RBFOX1: variants seen among roughly 807,000 people sequenced by gnomAD.
RBFOX1 encodes the protein RNA binding fox-1 homolog 1.
RBFOX1 carries 8 observed loss-of-function variants against 57.7 expected under a neutral mutation model. The observed-to-expected ratio is 0.14, with a 90% CI of 0.08 to 0.25. RBFOX1 has a LOEUF of 0.25. Ranked by LOEUF, RBFOX1 falls within the 10% of genes least tolerant of loss-of-function variation. The probability of loss-of-function intolerance (pLI) is 1.00; values close to 1 mark genes in which losing one functional copy is unlikely to be tolerated. For missense variants in RBFOX1, 611 were observed against 548.5 expected (o/e 1.11, Z -1.14); for synonymous variants, 326 against 222.4 (o/e 1.47, Z -4.15).
chr16:6,779,652 C>A (rs1035668019), intron 3 of RBFOX1, among the ~76,000 whole-genome samples: 2 of 141,684 alleles, frequency 1.4e-5, no homozygotes, highest in South Asian at 4.3e-4. Flanking sequence ...AGGGTTCCCT[C>A]TTCTCCATAT....
intron 1 of RBFOX1, among the ~76,000 whole-genome samples, chr16:6,258,963 G>C (rs958112615): frequency 2.6e-5 from 4 of 152,114 alleles, no homozygotes; most frequent in African/African-American, 9.7e-5. Context: ...ATGCAATTCC[G>C]AGTTCATTTA....
intron 4 of RBFOX1, among the ~76,000 whole-genome samples, chr16:7,370,915 C>T (rs982193717): frequency 6.6e-6 from 1 of 152,194 alleles, no homozygotes; most frequent in South Asian, 2.1e-4. Context: ...GAAATGGTGA[C>T]TGCAGCCAGG....
At chr16:7,694,004 C>T (rs914317838) in intron 14 of RBFOX1, among the ~76,000 whole-genome samples, 2 of 152,164 alleles carry the variant, frequency 1.3e-5, no homozygotes, top group African/African-American at 4.8e-5. Context: ...CATGATACGT[C>T]CATCAAAATA....
chr16:6,815,621 C>T (rs2089900979), intron 3 of RBFOX1, among the ~76,000 whole-genome samples: 1 of 152,188 alleles, frequency 6.6e-6, no homozygotes, highest in Non-Finnish European at 1.5e-5. Context: ...AAACTTGAAG[C>T]AAATGAGTGA....
intron 2 of RBFOX1, among the ~76,000 whole-genome samples, chr16:6,525,021 C>T (rs774007296): frequency 2.6e-5 from 4 of 152,128 alleles, no homozygotes; most frequent in Non-Finnish European, 5.9e-5. Context: ...ACTCTTAGTA[C>T]AGAGATCTTC....
intron 1 of RBFOX1, among the ~76,000 whole-genome samples, chr16:6,233,608 G>A (rs979914224): frequency 2.0e-5 from 3 of 152,084 alleles, no homozygotes; most frequent in Admixed American, 1.3e-4. Context: ...CACACCAGTC[G>A]CCTTGATTTT....
intron 3 of RBFOX1, among the ~76,000 whole-genome samples, chr16:7,021,617 ATAT>A (rs1437540089): frequency 1.4e-5 from 2 of 146,796 alleles, no homozygotes; most frequent in Non-Finnish European, 3.0e-5. Flanking sequence ...ATAAAATATA[ATAT>A]TTTATAAATT....
intron 2 of RBFOX1, among the ~76,000 whole-genome samples, chr16:6,528,025 G>C (rs925477248): frequency 6.6e-6 from 1 of 152,054 alleles, no homozygotes; most frequent in African/African-American, 2.4e-5. Flanking sequence ...ATTTCTCTAT[G>C]TTGAATTTCC....
intron 2 of RBFOX1, among the ~76,000 whole-genome samples, chr16:5,585,504 C>T (rs541334263): frequency 6.6e-6 from 1 of 152,266 alleles, no homozygotes; most frequent in South Asian, 2.1e-4. Flanking sequence ...TTGCCCTTGG[C>T]CTGTAGCTAT....
chr16:6,122,605 C>A (rs56115429), intron 1 of RBFOX1, among the ~76,000 whole-genome samples: 1 of 152,112 alleles, frequency 6.6e-6, no homozygotes, highest in Non-Finnish European at 1.5e-5. Context: ...CCGTGTGACA[C>A]CCGCTCCCCA....
chr16:6,618,057 A>G (rs2098169331), intron 2 of RBFOX1, among the ~76,000 whole-genome samples: 2 of 152,106 alleles, frequency 1.3e-5, no homozygotes, highest in African/African-American at 2.4e-5. Flanking sequence ...AAATGCAGCA[A>G]TCCTTGTGTT....
chr16:6,950,743 G>A (rs2080551980), intron 3 of RBFOX1, among the ~76,000 whole-genome samples: 1 of 152,122 alleles, frequency 6.6e-6, no homozygotes, highest in Non-Finnish European at 1.5e-5. Flanking sequence ...GAGATTTGCG[G>A]CCATGTAATA....
chr16:6,014,231 G>A (rs1245311920), upstream of RBFOX1, among the ~76,000 whole-genome samples: 3 of 148,290 alleles, frequency 2.0e-5, no homozygotes, highest in Non-Finnish European at 4.5e-5. Flanking sequence ...TTTTGTAGCT[G>A]TTTTTGTTAT....
intron 3 of RBFOX1, among the ~76,000 whole-genome samples, chr16:6,778,987 A>C (rs1010103471): frequency 2.3e-4 from 35 of 152,076 alleles, no homozygotes; most frequent in African/African-American, 7.7e-4. Context: ...CTAACTTTAA[A>C]TATTTATCAT....
At chr16:6,864,556 T>C (rs2059581143) in intron 3 of RBFOX1, among the ~76,000 whole-genome samples, 1 of 151,772 alleles carries the variant, frequency 6.6e-6, no homozygotes, top group South Asian at 2.1e-4. Flanking sequence ...TCTTTTTTTT[T>C]TTTTTTTAAT....
intron 4 of RBFOX1, among the ~76,000 whole-genome samples, chr16:7,059,168 T>C (rs1469327612): frequency 6.6e-6 from 1 of 152,240 alleles, no homozygotes; most frequent in Non-Finnish European, 1.5e-5. Flanking sequence ...GCAATTGAGC[T>C]ATCAGAATCA....
chr16:5,579,660 C>T (rs1195991458), intron 2 of RBFOX1, among the ~76,000 whole-genome samples: 7 of 152,196 alleles, frequency 4.6e-5, no homozygotes, highest in Non-Finnish European at 1.0e-4. Flanking sequence ...GGAAACCTTC[C>T]CCAACTGGGT....
intron 2 of RBFOX1, among the ~76,000 whole-genome samples, chr16:6,523,074 A>C (rs2096530572): frequency 6.6e-6 from 1 of 152,104 alleles, no homozygotes; most frequent in Non-Finnish European, 1.5e-5. Flanking sequence ...ATTCATATTT[A>C]CTGCTCTTTA....
intron 4 of RBFOX1, among the ~76,000 whole-genome samples, chr16:7,437,260 C>CT (rs1403105863): frequency 1.4e-5 from 2 of 144,358 alleles, no homozygotes; most frequent in African/African-American, 4.9e-5. Context: ...GCCCCCCCCC[C>CT]CTTTCTGTTA....
Sources: allele counts gnomAD v4.1 joint callset (sites outside exome capture counted in the v4.1 genomes callset), GRCh38; gene constraint gnomAD v4.1.1; transcripts MANE v1.5; gene names NCBI Gene and HGNC (gene_info 2026-07-23, HGNC 2026-07-21).